The following ABLIM1 variants were observed in gnomAD, a reference collection of about 807,000 sequenced individuals.
ABLIM1 encodes the protein actin-binding LIM protein 1.
ABLIM1 carries 40 observed loss-of-function variants against 107.0 expected under a neutral mutation model. The ratio of observed to expected loss-of-function variants is 0.37; its 90% CI spans 0.29 to 0.49. The LOEUF is 0.49. Among genes scored for constraint, ABLIM1 ranks in the 20% least tolerant of loss-of-function variants. The pLI is 0.97. For missense variants in ABLIM1, 857 were observed against 1,008.5 expected, an observed-to-expected ratio of 0.85 and a Z score of 2.04; for synonymous variants, 357 against 357.3, an observed-to-expected ratio of 1.00 and a Z score of 0.01.
chr10:114,483,930 A>C (rs1462594459), intron 8 of ABLIM1, among the ~76,000 whole-genome samples: 2 of 152,146 alleles, frequency 1.3e-5, no homozygotes, highest in Non-Finnish European at 2.9e-5. Context: ...TACACTGTGC[A>C]TGCAGCATAA....
chr10:114,541,901 C>G (rs1320461349), intron 6 of ABLIM1, among the ~76,000 whole-genome samples: 1 of 10,300 alleles, frequency 9.7e-5, no homozygotes, highest in African/African-American at 8.0e-4. Flanking sequence ...AGGGAATCAA[C>G]ACACACACAC....
At chr10:114,515,756 T>C (rs2062715261) in intron 6 of ABLIM1, among the ~76,000 whole-genome samples, 1 of 152,196 alleles carries the variant, frequency 6.6e-6, no homozygotes, top group East Asian at 1.9e-4. Context: ...GATGTCCTTA[T>C]AAGAACAGAA....
intron 1 of ABLIM1, among the ~76,000 whole-genome samples, chr10:114,733,447 ATTTAAAG>A (rs1311649285): frequency 2.0e-5 from 3 of 152,202 alleles, no homozygotes; most frequent in Admixed American, 6.5e-5. Context: ...CCCTTTGAAG[ATTTAAAG>A]TTTAGTCTCT....
At chr10:114,684,522 G>T (rs933088414) in exon 1 of ABLIM1, 10 of 1,411,830 alleles carry the variant, frequency 7.1e-6, no homozygotes, top group African/African-American at 2.9e-5. Flanking sequence ...CACAGCCAGC[G>T]CAGGAAGAAT....
At chr10:114,723,375 T>C (rs916340245) in intron 1 of ABLIM1, among the ~76,000 whole-genome samples, 1 of 152,180 alleles carries the variant, frequency 6.6e-6, no homozygotes, top group Non-Finnish European at 1.5e-5. Context: ...AAGTCTGGGT[T>C]CTTTGGAAAT....
intron 6 of ABLIM1, among the ~76,000 whole-genome samples, chr10:114,495,620 GTGCTGCTGCTGC>G (rs554585306): frequency 6.6e-6 from 1 of 151,834 alleles, no homozygotes; most frequent in Non-Finnish European, 1.5e-5. Context: ...GGTGATGACG[GTGCTGCTGCTGC>G]TGCTGCTGCT....
chr10:114,458,442 C>T (rs2063242962), intron 12 of ABLIM1, among the ~76,000 whole-genome samples: 1 of 152,116 alleles, frequency 6.6e-6, no homozygotes, highest in Non-Finnish European at 1.5e-5. Context: ...AATTCTAAGA[C>T]AAGCGAATAG....
chr10:114,549,124 C>A (rs1203664353), intron 4 of ABLIM1, among the ~76,000 whole-genome samples: 1 of 152,214 alleles, frequency 6.6e-6, no homozygotes, highest in Non-Finnish European at 1.5e-5. Context: ...GTGGCACACA[C>A]CTGTAATCCC....
intron 8 of ABLIM1, among the ~76,000 whole-genome samples, chr10:114,482,962 C>G (rs1290878171): frequency 6.6e-6 from 1 of 151,914 alleles, no homozygotes; most frequent in Non-Finnish European, 1.5e-5. Flanking sequence ...GAAAAAAAAA[C>G]TATTGAAAAA....
chr10:114,761,222 T>C (rs1474547954), intron 1 of ABLIM1, among the ~76,000 whole-genome samples: 1 of 151,230 alleles, frequency 6.6e-6, no homozygotes, highest in Non-Finnish European at 1.5e-5. Flanking sequence ...AACTAGCAGA[T>C]ACATTTTAGG....
At chr10:114,529,980 T>A (rs935419316) in intron 6 of ABLIM1, among the ~76,000 whole-genome samples, 1 of 152,146 alleles carries the variant, frequency 6.6e-6, no homozygotes, top group Non-Finnish European at 1.5e-5. Context: ...TGATCTGAGA[T>A]CGTGCCATTG....
chr10:114,761,976 C>G (rs1049081285), intron 1 of ABLIM1, among the ~76,000 whole-genome samples: 2 of 141,388 alleles, frequency 1.4e-5, no homozygotes, highest in Non-Finnish European at 3.1e-5. Flanking sequence ...CTCACTCTAT[C>G]CCATATGCTC....
chr10:114,628,220 T>C (rs1424310325), intron 1 of ABLIM1, among the ~76,000 whole-genome samples: 1 of 152,206 alleles, frequency 6.6e-6, no homozygotes, highest in African/African-American at 2.4e-5. Flanking sequence ...CAAGGTGTCT[T>C]AGCACCCCAC....
At chr10:114,768,274 G>GCGCGGCAGCGCTGACACC (rs2082955550), upstream of ABLIM1, among the ~76,000 whole-genome samples, 1 of 146,584 alleles carries the variant, frequency 6.8e-6, no homozygotes, top group Admixed American at 6.8e-5. Context: ...GACCCGCCGG[G>GCGCGGCAGCGCTGACACC]CGCGGCAGCG....
intron 10 of ABLIM1, among the ~76,000 whole-genome samples, chr10:114,470,791 T>C (rs929648901): frequency 7.9e-5 from 12 of 152,182 alleles, no homozygotes; most frequent in African/African-American, 2.2e-4. Context: ...GATAAGGAGA[T>C]TGAGGTATAT....
At position 114,645,914 on chromosome 10, in the gene ABLIM1, T is replaced by G. The variant is rs74158022; in HGVS notation, c.244+12043A>C. Among the ~76,000 whole-genome samples the G allele has an allele frequency of 1.4e-3, 220 of 152,314 alleles. 1 individual carries two copies. The highest frequency in any genetic ancestry group is 5.1e-3 in the African/African-American group (210 of 41,568). On this transcript the variant is annotated intron_variant, in intron 1 of 22. Transcript: ENST00000533213. ...ATAAAAATGAGTCATTTTATAACATTTACACATATATTACATGGGCTCTCT... is the reference window on the plus strand; with the variant it reads ...ATAAAAATGAGTCATTTTATAACATGTACACATATATTACATGGGCTCTCT...
chr10:114,691,086 A>G (rs1160182483), intron 1 of ABLIM1, among the ~76,000 whole-genome samples: 1 of 152,240 alleles, frequency 6.6e-6, no homozygotes, highest in Non-Finnish European at 1.5e-5. Context: ...GACAATTATG[A>G]ATCCCTCTTT....
chr10:114,491,071 T>C (rs2058935125), intron 7 of ABLIM1, among the ~76,000 whole-genome samples: 1 of 149,236 alleles, frequency 6.7e-6, no homozygotes, highest in Admixed American at 6.7e-5. Context: ...GGATTCCCTA[T>C]GTTGCCCAGG....
intron 1 of ABLIM1, among the ~76,000 whole-genome samples, chr10:114,666,598 C>T (rs1490165382): frequency 6.6e-6 from 1 of 152,184 alleles, no homozygotes; most frequent in South Asian, 2.1e-4. Context: ...GGTTTTGCTA[C>T]TTGCTGCTCA....
Sources: allele counts gnomAD v4.1 joint callset (sites outside exome capture counted in the v4.1 genomes callset), GRCh38; gene constraint gnomAD v4.1.1; transcripts MANE v1.5; gene names NCBI Gene and HGNC (gene_info 2026-07-23, HGNC 2026-07-21).